Variants in SLC15A2 observed in about 807,000 individuals in gnomAD.
SLC15A2 encodes the protein solute carrier family 15 member 2.
SLC15A2 carries 77 observed loss-of-function variants against 95.5 expected under a neutral mutation model. The observed-to-expected ratio is 0.81, with a 90% CI of 0.67 to 0.97. The LOEUF (loss-of-function observed/expected upper bound fraction) is 0.97. Ranked by LOEUF, SLC15A2 falls within the 50% of genes least tolerant of loss-of-function variation. The probability of loss-of-function intolerance (pLI) is 0.00; values close to 1 mark genes in which losing one functional copy is unlikely to be tolerated. For synonymous variants in SLC15A2, 306 were observed against 306.9 expected (o/e 1.00, Z 0.03); for missense variants, 893 against 874.4 (o/e 1.02, Z -0.27).
chr3:121,906,592 G>A (rs1275625854), intron 3 of SLC15A2, among the ~76,000 whole-genome samples: 1 of 152,160 alleles, frequency 6.6e-6, no homozygotes, highest in Non-Finnish European at 1.5e-5. Flanking sequence ...TGCCTGTAAA[G>A]GATTTTATTT....
At chr3:121,916,655 A>G (rs1709899929) in intron 7 of SLC15A2, among the ~76,000 whole-genome samples, 1 of 152,190 alleles carries the variant, frequency 6.6e-6, no homozygotes, top group African/African-American at 2.4e-5. Context: ...TATTTACATA[A>G]CAGAGTAATT....
rs1456347596 is a variant in SLC15A2, at chr3:121,942,011, G to C, written c.*1004G>C. 1 of 152,128 alleles carries C rather than the reference G, an allele frequency of 6.6e-6. No individual in the cohort carries two copies. The highest frequency in any genetic ancestry group is 2.4e-5 in the African/African-American group (1 of 41,428). The allele number at this position is 152,128 out of a possible 1,614,324, so 9.4% of individuals were successfully genotyped here. A position where few individuals can be genotyped will look rare whatever the true frequency, so the allele number is the denominator to read the frequency against. ...ATTTAGCCTCAAAAATATCAAAGTA[G>C]TTCCTTTTTGATGTTGTTTTCCTGA... On this transcript the variant is annotated 3_prime_UTR_variant, in exon 22 of 22. Coordinates refer to ENST00000489711, the MANE Select transcript of SLC15A2 (RefSeq NM_021082.4).
chr3:121,907,763 A>G (rs1576673314), intron 3 of SLC15A2, among the ~76,000 whole-genome samples: 1 of 152,266 alleles, frequency 6.6e-6, no homozygotes. Context: ...CCAGAGGGAC[A>G]CCCGCCTGTA....
rs2107618301 is a variant in SLC15A2 at position 121,943,804 on chromosome 3, T to G, written c.*2797T>G. 1 of 152,380 alleles carries G rather than the reference T, an allele frequency of 6.6e-6. No individual in the cohort carries two copies. The highest frequency in any genetic ancestry group is 2.4e-5 in the African/African-American group (1 of 41,586). The allele number at this position is 152,380 out of a possible 1,614,324, so 9.4% of individuals were successfully genotyped here. On this transcript the variant is annotated 3_prime_UTR_variant, in exon 22 of 22. Transcript: ENST00000489711. ...GGTATAGACTGTTTCTCCAGCTATA[T>G]GGTGTAGACTGTTTCTCCTAGGCTA...
intron 13 of SLC15A2, 129 bp from the exon 14 acceptor site, chr3:121,927,629 A>G (rs1463843507): frequency 4.7e-6 from 3 of 632,580 alleles, no homozygotes; most frequent in African/African-American, 3.7e-5. Flanking sequence ...TAAATTACCC[A>G]GTCTCAGGTA....
At chr3:121,896,520 T>C (rs981709668) in intron 2 of SLC15A2, 27 bp downstream of exon 2, 2 of 1,552,286 alleles carry the variant, frequency 1.3e-6, no homozygotes, top group African/African-American at 1.4e-5. Flanking sequence ...GAGTCCTACC[T>C]ACTCTCCTCC....
At chr3:121,896,026 T>C (rs1709407963) in intron 1 of SLC15A2, among the ~76,000 whole-genome samples, 1 of 152,172 alleles carries the variant, frequency 6.6e-6, no homozygotes, top group African/African-American at 2.4e-5. Flanking sequence ...TGAATCTCAC[T>C]GCTTGGATAT....
At chr3:121,936,453 A>T (rs554287440) in intron 19 of SLC15A2, among the ~76,000 whole-genome samples, 2 of 152,156 alleles carry the variant, frequency 1.3e-5, no homozygotes, top group East Asian at 3.9e-4. Context: ...GTGCTCCTGT[A>T]TTGGGTGCAT....
intron 19 of SLC15A2, among the ~76,000 whole-genome samples, chr3:121,936,469 T>C (rs1710349274): frequency 6.6e-6 from 1 of 152,126 alleles, no homozygotes; most frequent in South Asian, 2.1e-4. Flanking sequence ...TGCATATATA[T>C]TTAGGATAGT....
chr3:121,896,344 A>G, intron 1 of SLC15A2, 62 bp from the exon 2 acceptor site: 1 of 1,326,244 alleles, frequency 7.5e-7, no homozygotes. Flanking sequence ...TTTTGAAGAA[A>G]TCTAATTGTT....
intron 2 of SLC15A2, 119 bp from the exon 3 acceptor site, chr3:121,897,269 A>G (rs1709435637): frequency 1.8e-6 from 2 of 1,141,416 alleles, no homozygotes; most frequent in Non-Finnish European, 2.5e-6. Flanking sequence ...CACTGATAGG[A>G]GTGCTGAAGG....
In SLC15A2 at chr3:121,897,377, T is replaced by C. The variant is rs767388417; in HGVS notation, c.194-11T>C. 15 of 1,611,796 alleles carry C rather than the reference T, an allele frequency of 9.3e-6. No individual in the cohort carries two copies. The highest frequency in any genetic ancestry group is 8.9e-5 in the East Asian group (4 of 44,854). On this transcript the variant is annotated splice_polypyrimidine_tract_variant and intron_variant, in intron 2 of 21. Coordinates refer to ENST00000489711, the MANE Select transcript of SLC15A2 (RefSeq NM_021082.4). ...TTGTCTCCCCACGCCTCCTTTTTTT[T>C]CCCACTACAGCTGTGCTGATCCTGT...
At chr3:121,924,587 G>A (rs1408758408) in intron 12 of SLC15A2, among the ~76,000 whole-genome samples, 3 of 131,010 alleles carry the variant, frequency 2.3e-5, no homozygotes, top group South Asian at 4.6e-4. Flanking sequence ...AACGGGTTAA[G>A]TGTAAGCATT....
intron 3 of SLC15A2, among the ~76,000 whole-genome samples, chr3:121,902,008 C>A (rs1195426291): frequency 6.6e-6 from 1 of 152,104 alleles, no homozygotes; most frequent in Non-Finnish European, 1.5e-5. Context: ...GTTTGCTATC[C>A]CAGAATAATA....
chr3:121,927,691 A>G lies in SLC15A2; in HGVS notation c.1125-67A>G. ...CTAATGCAGTCTTTAATAATAGGCT[A>G]CAGAGTTTGGATTTCATCCTTTAGA... On this transcript the variant is annotated intron_variant, in intron 13 of 21. Coordinates refer to ENST00000489711, the MANE Select transcript of SLC15A2 (RefSeq NM_021082.4). The G allele has an allele frequency of 2.6e-6, 3 of 1,164,518 alleles. No individual in the cohort carries two copies. In the South Asian group the frequency reaches 3.7e-5, roughly 14 times the overall value. The allele number at this position is 1,164,518 out of a possible 1,614,324, so 72.1% of individuals were successfully genotyped here. A position where few individuals can be genotyped will look rare whatever the true frequency, so the allele number is the denominator to read the frequency against.
At position 121,942,935 on chromosome 3, in the gene SLC15A2, T is replaced by A. The variant is rs1429973023; in HGVS notation, c.*1928T>A. Reference sequence around the variant, plus strand: ...GCTGAGCTTCCTCTCTGAAACCTCCTACCATTGTTTTTTTTCCCCTGTAGC... The same window carrying A: ...GCTGAGCTTCCTCTCTGAAACCTCCAACCATTGTTTTTTTTCCCCTGTAGC... On this transcript the variant is annotated 3_prime_UTR_variant, in exon 22 of 22. Transcript: ENST00000489711. The A allele has an allele frequency of 6.6e-6, 1 of 152,222 alleles. No homozygotes were observed. Among genetic ancestry groups the A allele is most frequent in the Non-Finnish European group, 1.5e-5 (1 of 68,040 alleles). 9.4% of individuals were successfully genotyped at this position (152,222 alleles called of 1,614,324 possible). A position where few individuals can be genotyped will look rare whatever the true frequency, so the allele number is the denominator to read the frequency against.
intron 2 of SLC15A2, among the ~76,000 whole-genome samples, chr3:121,897,005 C>T (rs2107564548): frequency 6.7e-6 from 1 of 149,112 alleles, no homozygotes; most frequent in Non-Finnish European, 1.5e-5. Flanking sequence ...TGGCTAAGGG[C>T]TCATACCTGA....
intron 13 of SLC15A2, among the ~76,000 whole-genome samples, chr3:121,927,212 T>C (rs1484592550): frequency 6.6e-6 from 1 of 152,226 alleles, no homozygotes; most frequent in East Asian, 1.9e-4. Flanking sequence ...TATTTTGCAA[T>C]GTGAGAAGGA....
chr3:121,918,302 C>T (rs1049114562), intron 7 of SLC15A2, among the ~76,000 whole-genome samples: 6 of 152,094 alleles, frequency 3.9e-5, no homozygotes, highest in African/African-American at 1.4e-4. Flanking sequence ...CCTTGAACAA[C>T]TGGGTAGGTA....
Sources: allele counts gnomAD v4.1 joint callset (sites outside exome capture counted in the v4.1 genomes callset), GRCh38; gene constraint gnomAD v4.1.1; transcripts MANE v1.5; gene names NCBI Gene and HGNC (gene_info 2026-07-23, HGNC 2026-07-21).